Variants in HYCC1 observed in about 807,000 individuals in gnomAD.
HYCC1 encodes hyccin PI4KA lipid kinase complex subunit 1, also known as hyccin.
chr7:22,960,242 T>C, the HYCC1 span: 5 of 1,611,550 alleles, frequency 3.1e-6, no homozygotes, highest in South Asian at 1.1e-5. Flanking sequence ...CTTGAAGAGT[T>C]ACGTATTTCT....
the HYCC1 span, among the ~76,000 whole-genome samples, chr7:22,902,893 T>C: frequency 3.3e-5 from 5 of 151,960 alleles, no homozygotes; most frequent in East Asian, 9.6e-4. Flanking sequence ...GCATAGACCA[T>C]AAATGGAAGA....
the HYCC1 span, among the ~76,000 whole-genome samples, chr7:23,000,853 G>C: frequency 1.2e-4 from 18 of 151,574 alleles, no homozygotes; most frequent in Admixed American, 1.2e-3. Context: ...GACAGACCTC[G>C]GAGGACAGCA....
the HYCC1 span, among the ~76,000 whole-genome samples, chr7:22,927,331 T>C: frequency 6.6e-6 from 1 of 151,394 alleles, no homozygotes; most frequent in Admixed American, 6.6e-5. Flanking sequence ...ATAACTAAGA[T>C]CAGAGCAGAA....
chr7:22,983,769 T>G, the HYCC1 span: 1 of 575,518 alleles, frequency 1.7e-6, no homozygotes, highest in East Asian at 2.9e-5. Context: ...AGATGGCTTC[T>G]GGAATACGGT....
the HYCC1 span, among the ~76,000 whole-genome samples, chr7:22,970,500 A>C: frequency 6.6e-6 from 1 of 152,150 alleles, no homozygotes; most frequent in Non-Finnish European, 1.5e-5. Flanking sequence ...GACAGTCTAT[A>C]TCAAAAGAAC....
the HYCC1 span, among the ~76,000 whole-genome samples, chr7:22,914,215 C>G: frequency 1.3e-5 from 2 of 152,164 alleles, no homozygotes; most frequent in South Asian, 4.1e-4. Flanking sequence ...ACCGCGGGGA[C>G]GCCTGCCCTG....
chr7:22,945,396 A>T, the HYCC1 span: 1 of 597,190 alleles, frequency 1.7e-6, no homozygotes, highest in Non-Finnish European at 3.0e-6. Flanking sequence ...ATCTTAATCA[A>T]GAAATAACAA....
At chr7:22,964,823 T>G in the HYCC1 span, among the ~76,000 whole-genome samples, 2 of 152,156 alleles carry the variant, frequency 1.3e-5, no homozygotes, top group Non-Finnish European at 2.9e-5. Context: ...TTTTGGGTAC[T>G]GCTAAACCTA....
the HYCC1 span, chr7:22,976,276 C>T: frequency 6.2e-7 from 1 of 1,612,692 alleles, no homozygotes; most frequent in Non-Finnish European, 8.5e-7. Flanking sequence ...AGCATTGTAA[C>T]ACAACAAAAG....
the HYCC1 span, chr7:22,941,963 TCA>T: frequency 2.0e-5 from 3 of 152,344 alleles, no homozygotes; most frequent in East Asian, 5.8e-4. Flanking sequence ...AAAATATTTT[TCA>T]GTTACATTAT....
the HYCC1 span, among the ~76,000 whole-genome samples, chr7:22,973,095 T>C: frequency 6.6e-6 from 1 of 152,210 alleles, no homozygotes; most frequent in East Asian, 1.9e-4. Context: ...CTAAAACAAC[T>C]ATCACATGGC....
the HYCC1 span, chr7:22,942,705 C>A: frequency 6.6e-6 from 1 of 152,116 alleles, no homozygotes; most frequent in Non-Finnish European, 1.5e-5. Flanking sequence ...ATTCTGGATA[C>A]TTAGGAGATC....
the HYCC1 span, among the ~76,000 whole-genome samples, chr7:22,901,938 T>C: frequency 6.6e-6 from 1 of 152,172 alleles, no homozygotes; most frequent in Non-Finnish European, 1.5e-5. Context: ...ATAATCAGCA[T>C]TTGTATAATA....
chr7:22,977,321 T>A, the HYCC1 span: 1 of 1,423,626 alleles, frequency 7.0e-7, no homozygotes, highest in Non-Finnish European at 9.9e-7. Flanking sequence ...ATAAACTTAC[T>A]GTGATAAAAT....
chr7:22,951,530 A>G, the HYCC1 span, among the ~76,000 whole-genome samples: 1 of 151,802 alleles, frequency 6.6e-6, no homozygotes, highest in Admixed American at 6.6e-5. Context: ...AGTCATACAC[A>G]TTCTTTTACA....
At chr7:23,009,788 T>G in the HYCC1 span, among the ~76,000 whole-genome samples, 3 of 152,200 alleles carry the variant, frequency 2.0e-5, no homozygotes. Context: ...TATCCTCCAG[T>G]GTATTTAAAA....
chr7:22,999,759 T>G, the HYCC1 span, among the ~76,000 whole-genome samples: 1 of 152,172 alleles, frequency 6.6e-6, no homozygotes, highest in Non-Finnish European at 1.5e-5. Context: ...TGCAAAGTGT[T>G]TCTATTAGTT....
chr7:22,975,693 A>T, the HYCC1 span, among the ~76,000 whole-genome samples: 1 of 151,932 alleles, frequency 6.6e-6, no homozygotes, highest in African/African-American at 2.4e-5. Context: ...ATTCTTCATG[A>T]TGTTCTTGTT....
the HYCC1 span, chr7:22,978,253 T>A: frequency 6.2e-7 from 1 of 1,612,016 alleles, no homozygotes; most frequent in Non-Finnish European, 8.5e-7. Flanking sequence ...TTTTGTTAAC[T>A]CCATTAAATA....
Sources: gnomAD v4.1 joint callset for allele counts (sites outside exome capture counted in the v4.1 genomes callset) on GRCh38, gnomAD v4.1.1 for gene constraint, MANE v1.5 for transcripts, NCBI Gene and HGNC (gene_info 2026-07-23, HGNC 2026-07-21) for gene names.